Variants in CCDC73 observed in about 807,000 individuals in gnomAD.
CCDC73 encodes the protein coiled-coil domain-containing protein 73.
A neutral mutation model predicts 116.5 loss-of-function variants in CCDC73; 95 were observed. That is an observed-to-expected ratio of 0.82 (90% CI 0.69 to 0.97). The LOEUF (loss-of-function observed/expected upper bound fraction) is 0.97. Among genes scored for constraint, CCDC73 ranks in the 50% least tolerant of loss-of-function variants. CCDC73 has a pLI of 0.00. For synonymous variants in CCDC73, 398 were observed against 401.3 expected (o/e 0.99, Z 0.10); for missense variants, 1,066 against 1,206.8 (o/e 0.88, Z 1.73).
chr11:32,733,579 A>G (rs1220341033), intron 2 of CCDC73, among the ~76,000 whole-genome samples: 1 of 152,252 alleles, frequency 6.6e-6, no homozygotes, highest in Non-Finnish European at 1.5e-5. Flanking sequence ...CTCTCAGACT[A>G]CAGTGCAATC....
chr11:32,742,106 C>A (rs1850192938), intron 2 of CCDC73, among the ~76,000 whole-genome samples: 1 of 152,118 alleles, frequency 6.6e-6, no homozygotes, highest in Admixed American at 6.6e-5. Flanking sequence ...GTGAATAGTG[C>A]CGCAATAAAC....
chr11:32,741,908 G>A (rs1010849153), intron 2 of CCDC73, among the ~76,000 whole-genome samples: 10 of 152,074 alleles, frequency 6.6e-5, no homozygotes, highest in African/African-American at 2.4e-4. Flanking sequence ...AACATGTGGT[G>A]TTTGGTTTTC....
At chr11:32,730,442 C>G (rs1345119944) in intron 2 of CCDC73, among the ~76,000 whole-genome samples, 1 of 152,140 alleles carries the variant, frequency 6.6e-6, no homozygotes, top group Non-Finnish European at 1.5e-5. Context: ...GAATAGAATT[C>G]TAGGTTGGTA....
chr11:32,762,059 C>A (rs1850396931), intron 1 of CCDC73, among the ~76,000 whole-genome samples: 1 of 152,174 alleles, frequency 6.6e-6, no homozygotes, highest in Non-Finnish European at 1.5e-5. Flanking sequence ...CATAAAATAC[C>A]TTCACAACAT....
At chr11:32,689,371 T>TAA (rs1012064644) in intron 6 of CCDC73, among the ~76,000 whole-genome samples, 4 of 152,066 alleles carry the variant, frequency 2.6e-5, no homozygotes, top group African/African-American at 9.7e-5. Context: ...CAGCCTCCAC[T>TAA]AAAGAGGGGC....
rs138461118 is a variant in CCDC73, at chr11:32,740,601, C to T, written c.135+19508G>A. On this transcript the variant is annotated intron_variant, in intron 2 of 17. Transcript: ENST00000335185. ...TCTCTTGTTTTCTTAGTCTGGATAA[C>T]AGTTTGTCAATTTTATTTTTTCAAA... Among the ~76,000 whole-genome samples, 532 of 151,846 alleles carry T rather than the reference C, an allele frequency of 3.5e-3. 6 individuals are homozygous for T. The highest frequency in any genetic ancestry group is 0.012 in the African/African-American group (513 of 41,474).
chr11:32,684,692 A>G (rs111711554), intron 6 of CCDC73, among the ~76,000 whole-genome samples: 1,575 of 152,324 alleles, frequency 0.01, 26 homozygotes, highest in African/African-American at 0.036. Context: ...TAATTTTTAT[A>G]GGCTTTTTTA....
intron 2 of CCDC73, among the ~76,000 whole-genome samples, chr11:32,736,965 C>T (rs932804359): frequency 6.7e-6 from 1 of 148,710 alleles, no homozygotes; most frequent in African/African-American, 2.5e-5. Context: ...CACACATATA[C>T]ATATATATAC....
intron 2 of CCDC73, among the ~76,000 whole-genome samples, chr11:32,739,074 C>T (rs2133354733): frequency 6.6e-6 from 1 of 152,192 alleles, no homozygotes; most frequent in South Asian, 2.1e-4. Context: ...AATGCCAGTA[C>T]CATGCTGTTT....
At chr11:32,771,703 G>GA (rs1440044841) in intron 1 of CCDC73, among the ~76,000 whole-genome samples, 1 of 152,198 alleles carries the variant, frequency 6.6e-6, no homozygotes, top group African/African-American at 2.4e-5. Flanking sequence ...GAAGTCTTGG[G>GA]ACGAAGGTGA....
At chr11:32,817,874 G>A in the CCDC73 span, among the ~76,000 whole-genome samples, 24 of 151,988 alleles carry the variant, frequency 1.6e-4, no homozygotes, top group African/African-American at 4.8e-4. Flanking sequence ...TTCATATCAC[G>A]AGTGCTACAA....
At chr11:32,792,185 C>T (rs1850682681) in intron 1 of CCDC73, among the ~76,000 whole-genome samples, 1 of 152,016 alleles carries the variant, frequency 6.6e-6, no homozygotes, top group Non-Finnish European at 1.5e-5. Flanking sequence ...AAATAGGACC[C>T]CACGGTCTAG....
chr11:32,742,126 C>T (rs1056947890), intron 2 of CCDC73, among the ~76,000 whole-genome samples: 4 of 152,120 alleles, frequency 2.6e-5, no homozygotes, highest in Non-Finnish European at 2.9e-5. Flanking sequence ...CATACGTGTG[C>T]ATGTGTCTTT....
intron 1 of CCDC73, among the ~76,000 whole-genome samples, chr11:32,771,000 C>T (rs1850488873): frequency 6.6e-6 from 1 of 152,082 alleles, no homozygotes; most frequent in Admixed American, 6.6e-5. Flanking sequence ...TTCAAGGCAG[C>T]CTTATACAAG....
chr11:32,717,721 C>T (rs1202210101), intron 3 of CCDC73, among the ~76,000 whole-genome samples: 1 of 152,164 alleles, frequency 6.6e-6, no homozygotes, highest in African/African-American at 2.4e-5. Context: ...AGCTTTCATA[C>T]TGCTACAAAG....
intron 7 of CCDC73, chr11:32,682,504 T>C (rs1220948094): frequency 6.6e-6 from 1 of 151,976 alleles, no homozygotes; most frequent in Non-Finnish European, 1.5e-5. Context: ...AAATACTTTA[T>C]GTTTTTCTAT....
At chr11:32,617,402 G>A (rs72910950) in intron 14 of CCDC73, among the ~76,000 whole-genome samples, 5,436 of 152,206 alleles carry the variant, frequency 0.036, 102 homozygotes, top group Middle Eastern at 0.11. Context: ...ACACTCTAAT[G>A]TTTTCTATGC....
At chr11:32,633,902 C>T (rs1044281092) in intron 14 of CCDC73, among the ~76,000 whole-genome samples, 1 of 152,142 alleles carries the variant, frequency 6.6e-6, no homozygotes, top group African/African-American at 2.4e-5. Flanking sequence ...ATTCAAGTTT[C>T]CAGGCATCAG....
chr11:32,828,453 T>C, the CCDC73 span, among the ~76,000 whole-genome samples: 1 of 146,822 alleles, frequency 6.8e-6, no homozygotes, highest in Non-Finnish European at 1.5e-5. Context: ...AAGGTTACAG[T>C]AAGCCAAGAT....
Sources: gnomAD v4.1 joint callset for allele counts (sites outside exome capture counted in the v4.1 genomes callset) on GRCh38, gnomAD v4.1.1 for gene constraint, MANE v1.5 for transcripts, NCBI Gene and HGNC (gene_info 2026-07-23, HGNC 2026-07-21) for gene names.